UTP4: variants seen among roughly 807,000 people sequenced by gnomAD.
The protein encoded by UTP4 is UTP4 small subunit processome component, also known as U3 small nucleolar RNA-associated protein 4 homolog.
A neutral mutation model predicts 82.4 loss-of-function variants in UTP4; 45 were observed. The observed-to-expected ratio is 0.55, with a 90% CI of 0.43 to 0.70. The LOEUF (loss-of-function observed/expected upper bound fraction) is 0.70, where lower values mean the gene tolerates loss of function less well. UTP4 is among the 30% of genes least tolerant of loss of function. The pLI is 0.00. For missense variants in UTP4, 819 were observed against 858.3 expected, an observed-to-expected ratio of 0.95 and a Z score of 0.57; for synonymous variants, 348 against 300.3, an observed-to-expected ratio of 1.16 and a Z score of -1.64.
intron 6 of UTP4, among the ~76,000 whole-genome samples, chr16:69,147,001 C>CAAAAAAAAAAAAAAAAAAAAAAAAAAA (rs71148965): frequency 9.3e-5 from 8 of 85,778 alleles, no homozygotes; most frequent in Admixed American, 2.8e-4. Flanking sequence ...GACTCTGCCT[C>CAAAAAAAAAAAAAAAAAAAAAAAAAAA]AAAAAAAAAA....
chr16:69,163,093 C>T lies in UTP4; in HGVS notation c.1562C>T (p.Thr521Met), dbSNP rs761804780. ...GTTATTTGTTCCCAGCTTCACTGCA[C>T]GGTGCCTGCTTACAATTTCCCAGTG... ...YNVKQLKLHC[T>M]VPAYNFPVTA... Residue 521 changes from threonine to methionine, a missense_variant, in exon 14 of 17, where the codon ACG becomes ATG. Transcript: ENST00000314423. 32 of 1,613,680 alleles carry T rather than the reference C, an allele frequency of 2.0e-5. No individual in the cohort carries two copies. The East Asian group carries it at 2.5e-4, about 12-fold the overall frequency.
rs540246078 is a variant in UTP4, at chr16:69,156,177, G to A, written c.1287+184G>A. Among the ~76,000 whole-genome samples, 34 of 139,040 alleles carry A rather than the reference G, an allele frequency of 2.4e-4. 1 individual carries two copies. The highest frequency in any genetic ancestry group is 1.6e-3 in the East Asian group (8 of 4,956). 91.2% of individuals were successfully genotyped at this position (139,040 alleles called of 152,430 possible). ...TTCTTTTTTTTTTTTTTTTTGAGACGGAGTTTTGCTCTTGTCACCCAGGCT... is the reference window on the plus strand; with the variant it reads ...TTCTTTTTTTTTTTTTTTTTGAGACAGAGTTTTGCTCTTGTCACCCAGGCT... On this transcript the variant is annotated intron_variant, in intron 11 of 16. Transcript: ENST00000314423.
intron 9 of UTP4, 80 bp from the exon 10 acceptor site, chr16:69,154,313 A>G: frequency 4.4e-6 from 5 of 1,138,004 alleles, no homozygotes; most frequent in Non-Finnish European, 6.6e-6. Flanking sequence ...CCATTTTTCC[A>G]AGGAGTAACT....
chr16:69,168,252 C>T (rs931189683), intron 16 of UTP4, among the ~76,000 whole-genome samples: 5 of 151,746 alleles, frequency 3.3e-5, no homozygotes, highest in Non-Finnish European at 5.9e-5. Context: ...CTGGCTAACA[C>T]GGTGAAACCC....
At chr16:69,155,675 T>C (rs902641683) in intron 10 of UTP4, among the ~76,000 whole-genome samples, 196 bp from the exon 11 acceptor site, 9 of 152,180 alleles carry the variant, frequency 5.9e-5, no homozygotes, top group Admixed American at 2.0e-4. Context: ...ATTCTTGGAT[T>C]TGGAAATCAA....
intron 15 of UTP4, chr16:69,165,774 T>C: frequency 3.4e-6 from 2 of 595,766 alleles, no homozygotes; most frequent in Non-Finnish European, 6.0e-6. Context: ...TTTGCTGATT[T>C]GACTATTTGT....
chr16:69,150,905 G>GT lies in UTP4; in HGVS notation c.1002+2dup. On this transcript the variant is annotated splice_donor_variant, in intron 8 of 16. Transcript: ENST00000314423. LOFTEE classifies it high-confidence loss of function. ...TCTCCGAAAAATCACCTTTCCCCAC[G>GT]TAAGTGTCCATTCCAAGCCCCTGCT... 1 of 1,610,350 alleles carries GT rather than the reference G, an allele frequency of 6.2e-7. No individual in the cohort carries two copies. The highest frequency in any genetic ancestry group is 8.5e-7 in the Non-Finnish European group (1 of 1,177,450).
chr16:69,154,963 G>A (rs1017759848), intron 10 of UTP4, among the ~76,000 whole-genome samples: 1 of 151,696 alleles, frequency 6.6e-6, no homozygotes, highest in Non-Finnish European at 1.5e-5. Context: ...CAGGTGATCC[G>A]CCCGCCTTGG....
intron 2 of UTP4, among the ~76,000 whole-genome samples, chr16:69,135,017 C>CTTT (rs1027253401): frequency 7.5e-6 from 1 of 133,310 alleles, no homozygotes; most frequent in Non-Finnish European, 1.6e-5. Flanking sequence ...TGTTCTTCTT[C>CTTT]TTTTTTTTTT....
Position 69,160,446 on chromosome 16 carries a change from A to G in UTP4, c.1535A>G (p.Asn512Ser). 1 of 1,613,850 alleles carries G rather than the reference A, an allele frequency of 6.2e-7. No individual in the cohort carries two copies. The highest frequency in any genetic ancestry group is 8.5e-7 in the Non-Finnish European group (1 of 1,179,708). The change falls in exon 13 of 17, where the codon AAC (asparagine) becomes AGC (serine). Residue 512 changes from asparagine to serine, a missense_variant. By Grantham distance (46) the Asn-to-Ser change is conservative. Transcript: ENST00000314423. Reference sequence around the variant, plus strand: ...ACCAGTGCTGGAGTCCATGTCTACAACGTAAAACAGCTAAAGGTGAGCATA... The same window carrying G: ...ACCAGTGCTGGAGTCCATGTCTACAGCGTAAAACAGCTAAAGGTGAGCATA... ...SGTSAGVHVY[N>S]VKQLKLHCTV... is the part of the protein sequence containing the mutation.
At chr16:69,149,771 C>T (rs1050942990) in intron 6 of UTP4, among the ~76,000 whole-genome samples, 2 of 151,984 alleles carry the variant, frequency 1.3e-5, no homozygotes, top group Admixed American at 6.6e-5. Context: ...CCCTGTTGCC[C>T]AGGCTGGAGT....
Position 69,168,906 on chromosome 16 carries a change from C to T in UTP4, c.2030C>T (p.Pro677Leu). 1.2e-6 allele frequency: 2 copies of T among 1,613,642 alleles called. No individual in the cohort carries two copies. The highest frequency in any genetic ancestry group is 2.2e-5 in the South Asian group (2 of 91,076). ...PLDDIIAQLP[P>L]PIKKKKFGT Reference sequence around the variant, plus strand: ...GATGACATCATTGCTCAGCTCCCACCACCCATTAAAAAGAAGAAATTTGGA... The same window carrying T: ...GATGACATCATTGCTCAGCTCCCACTACCCATTAAAAAGAAGAAATTTGGA... The change falls in exon 17 of 17, where the codon CCA becomes CTA. Residue 677 changes from proline (P) to leucine (L), a missense_variant. Transcript: ENST00000314423.
At chr16:69,151,537 G>T (rs1365403002) in intron 8 of UTP4, among the ~76,000 whole-genome samples, 4 of 149,756 alleles carry the variant, frequency 2.7e-5, no homozygotes, top group African/African-American at 7.4e-5. Flanking sequence ...AACCAGGATG[G>T]TCTTGATCTC....
rs2152284882 is a variant in UTP4, at chr16:69,167,138, A to G, written c.1897A>G (p.Ile633Val). 1 of 1,613,068 alleles carries G rather than the reference A, an allele frequency of 6.2e-7. No individual in the cohort carries two copies. The highest frequency in any genetic ancestry group is 1.1e-5 in the South Asian group (1 of 91,072). The change falls in exon 16 of 17, where the codon ATC (isoleucine) becomes GTC (valine). Residue 633 changes from isoleucine (I) to valine (V), a missense_variant. Transcript: ENST00000314423. The stretch of plus-strand genomic sequence containing the variant: ...TCCTCCCACGAATGAATCAGATGTC[A>G]TCCGGAGGCGCACAGCTCATGCTTT... ...PFPPTNESDV[I>V]RRRTAHAFKI...
chr16:69,139,390 G>C (rs1018361270), intron 4 of UTP4, among the ~76,000 whole-genome samples: 8 of 151,926 alleles, frequency 5.3e-5, no homozygotes, highest in Non-Finnish European at 8.8e-5. Flanking sequence ...TGTAATCCCA[G>C]TACTTTGGGA....
At chr16:69,165,865 A>C in intron 15 of UTP4, 1 of 425,738 alleles carries the variant, frequency 2.3e-6, no homozygotes, top group South Asian at 2.2e-5. Flanking sequence ...ATCCGGAAGT[A>C]TCATTGATTT....
chr16:69,139,784 A>G (rs2152277311), intron 4 of UTP4, 41 bp from the exon 5 acceptor site: 6 of 1,303,152 alleles, frequency 4.6e-6, no homozygotes, highest in Non-Finnish European at 6.7e-6. Flanking sequence ...TCGTATATTT[A>G]TGTGTATGTC....
At chr16:69,132,777 C>A in intron 1 of UTP4, 88 bp downstream of exon 1, 1 of 234,108 alleles carries the variant, frequency 4.3e-6, no homozygotes, top group Non-Finnish European at 8.7e-6. Flanking sequence ...TCCGGCTGAG[C>A]TCCTTGTCCC....
rs976384072 is a variant in UTP4 at position 69,157,317 on chromosome 16, C to T, written c.1444+77C>T. The T allele has an allele frequency of 2.9e-5, 42 of 1,447,014 alleles. No homozygotes were observed. In the African/African-American group the frequency reaches 4.9e-4, roughly 17 times the overall value. The allele number at this position is 1,447,014 out of a possible 1,614,324, so 89.6% of individuals were successfully genotyped here. On this transcript the variant is annotated intron_variant, in intron 12 of 16. Coordinates refer to ENST00000314423, the MANE Select transcript of UTP4 (RefSeq NM_032830.3). ...CTTTTTTGCTTTTAAGCCTCCATGTCGGGGGTTCCCTCATGTTCCTCCTAC... is the reference window on the plus strand; with the variant it reads ...CTTTTTTGCTTTTAAGCCTCCATGTTGGGGGTTCCCTCATGTTCCTCCTAC...
Sources: allele counts gnomAD v4.1 joint callset (sites outside exome capture counted in the v4.1 genomes callset), GRCh38; gene constraint gnomAD v4.1.1; transcripts MANE v1.5; gene names NCBI Gene and HGNC (gene_info 2026-07-23, HGNC 2026-07-21).